The following NEGR1 variants were observed in gnomAD, a reference collection of about 807,000 sequenced individuals.
NEGR1 encodes neuronal growth regulator 1, also known as IgLON family member 4.
NEGR1 carries 10 observed loss-of-function variants against 40.9 expected under a neutral mutation model. The ratio of observed to expected loss-of-function variants is 0.24; its 90% CI spans 0.15 to 0.42. The LOEUF (loss-of-function observed/expected upper bound fraction) is 0.42. Ranked by LOEUF, NEGR1 falls within the 10% of genes least tolerant of loss-of-function variation. The pLI, the probability that NEGR1 is intolerant of heterozygous loss-of-function variation, is 1.00. For synonymous variants in NEGR1, 185 were observed against 166.8 expected (o/e 1.11, Z -0.84); for missense variants, 352 against 438.9 (o/e 0.80, Z 1.77).
Position 72,270,984 on chromosome 1 carries a change from C to T in NEGR1, c.176+11335G>A, listed in dbSNP as rs189020633. Among the ~76,000 whole-genome samples, 8 of 151,902 alleles carry T rather than the reference C, an allele frequency of 5.3e-5. No individual in the cohort carries two copies. The East Asian group carries it at 1.5e-3, about 29-fold the overall frequency. On this transcript the variant is annotated intron_variant, in intron 1 of 6. Coordinates refer to ENST00000357731, the MANE Select transcript of NEGR1 (RefSeq NM_173808.3). ...TTTAGTACTTACTATATGTTATGTA[C>T]TGTTAGCATTTTACATGTAATGTCT... is the stretch of plus-strand genomic sequence containing the variant.
intron 1 of NEGR1, among the ~76,000 whole-genome samples, chr1:72,135,420 A>T (rs1557544358): frequency 1.5e-5 from 1 of 65,046 alleles, no homozygotes; most frequent in Non-Finnish European, 3.1e-5. Context: ...AAAAAACAAA[A>T]CCAAAAAAAA....
chr1:72,244,310 A>G (rs900273733), intron 1 of NEGR1, among the ~76,000 whole-genome samples: 1 of 151,910 alleles, frequency 6.6e-6, no homozygotes, highest in Non-Finnish European at 1.5e-5. Context: ...AAGAAATGTT[A>G]GATCTGTTAG....
At chr1:71,780,838 T>C (rs1278831205) in intron 2 of NEGR1, among the ~76,000 whole-genome samples, 1 of 152,200 alleles carries the variant, frequency 6.6e-6, no homozygotes, top group African/African-American at 2.4e-5. Flanking sequence ...CCAAAAAATG[T>C]AGGCAATTTG....
At chr1:71,928,464 AC>A (rs1645820069) in intron 2 of NEGR1, among the ~76,000 whole-genome samples, 3 of 93,334 alleles carry the variant, frequency 3.2e-5, no homozygotes, top group South Asian at 3.1e-4. Flanking sequence ...ATACACACAT[AC>A]TTATATATAC....
At chr1:72,275,068 G>C (rs1655993488) in intron 1 of NEGR1, 2 of 1,174,816 alleles carry the variant, frequency 1.7e-6, no homozygotes, top group Admixed American at 1.7e-5. Context: ...GCAGAAATTT[G>C]TTAGCACCAG....
At chr1:72,238,929 T>C (rs181688699) in intron 1 of NEGR1, among the ~76,000 whole-genome samples, 50 of 151,938 alleles carry the variant, frequency 3.3e-4, no homozygotes, top group Admixed American at 2.0e-3. Flanking sequence ...ATCATACTTA[T>C]GGAATAAAAG....
At chr1:72,228,304 A>G (rs1040988718) in intron 1 of NEGR1, among the ~76,000 whole-genome samples, 3 of 152,174 alleles carry the variant, frequency 2.0e-5, no homozygotes, top group African/African-American at 7.2e-5. Flanking sequence ...AGAGAACAAA[A>G]GTTGGAGGAA....
At chr1:71,855,220 T>G (rs1659723908) in intron 2 of NEGR1, among the ~76,000 whole-genome samples, 2 of 152,152 alleles carry the variant, frequency 1.3e-5, no homozygotes, top group Non-Finnish European at 2.9e-5. Context: ...CAGGTCGAAC[T>G]GCAACCCGTT....
intron 1 of NEGR1, among the ~76,000 whole-genome samples, chr1:72,092,620 T>G (rs1414224592): frequency 1.3e-5 from 2 of 152,128 alleles, no homozygotes; most frequent in African/African-American, 4.8e-5. Flanking sequence ...TGTTCTTCAT[T>G]GTTGTACTAC....
chr1:71,411,000 A>G (rs1039893770), intron 6 of NEGR1, among the ~76,000 whole-genome samples: 1 of 152,208 alleles, frequency 6.6e-6, no homozygotes, highest in Non-Finnish European at 1.5e-5. Context: ...GTAACTGGTA[A>G]TATACTTATA....
intron 1 of NEGR1, among the ~76,000 whole-genome samples, chr1:72,152,953 T>A (rs1001969658): frequency 4.0e-5 from 6 of 151,844 alleles, no homozygotes; most frequent in African/African-American, 1.2e-4. Context: ...AACATCAATA[T>A]GGAAACAATA....
intron 3 of NEGR1, among the ~76,000 whole-genome samples, chr1:71,754,787 T>TAACTC (rs1332682227): frequency 6.6e-6 from 1 of 152,210 alleles, no homozygotes; most frequent in Non-Finnish European, 1.5e-5. Context: ...TGTTATATTT[T>TAACTC]AACTCATTAG....
Position 71,402,107 on chromosome 1 carries a change from T to C in NEGR1, c.*5339A>G, listed in dbSNP as rs949338325. 6.6e-6 allele frequency: 1 copy of C among 152,184 alleles called. No individual in the cohort carries two copies. Among genetic ancestry groups the C allele is most frequent in the African/African-American group, 2.4e-5 (1 of 41,454 alleles). The allele number at this position is 152,184 out of a possible 1,614,324, so 9.4% of individuals were successfully genotyped here. A position where few individuals can be genotyped will look rare whatever the true frequency, so the allele number is the denominator to read the frequency against. ...TTCTTTTTCCTAGGTAGTCTGGGAC[T>C]GGAAACAAATTGGGAACATTTTTCA... On this transcript the variant is annotated 3_prime_UTR_variant, in exon 7 of 7. Coordinates refer to ENST00000357731, the MANE Select transcript of NEGR1 (RefSeq NM_173808.3).
At chr1:71,596,932 T>C in intron 5 of NEGR1, among the ~76,000 whole-genome samples, 1 of 152,200 alleles carries the variant, frequency 6.6e-6, no homozygotes, top group East Asian at 1.9e-4. Flanking sequence ...ACTGGAATTA[T>C]GAGAGAACAT....
chr1:72,213,270 A>G (rs1653677552), intron 1 of NEGR1, among the ~76,000 whole-genome samples: 1 of 151,992 alleles, frequency 6.6e-6, no homozygotes, highest in Admixed American at 6.6e-5. Context: ...AGTGTTTTAC[A>G]GCCAGATATA....
intron 4 of NEGR1, among the ~76,000 whole-genome samples, chr1:71,621,048 T>C (rs1158360010): frequency 6.6e-6 from 1 of 151,978 alleles, no homozygotes; most frequent in African/African-American, 2.4e-5. Flanking sequence ...TTAGGATTAT[T>C]ACTAGAGAAT....
intron 1 of NEGR1, among the ~76,000 whole-genome samples, chr1:72,007,136 A>C (rs965895677): frequency 6.6e-6 from 1 of 152,090 alleles, no homozygotes; most frequent in South Asian, 2.1e-4. Context: ...TTTCAAAAAA[A>C]GGAGGTGTCA....
intron 1 of NEGR1, among the ~76,000 whole-genome samples, chr1:72,228,086 T>C (rs547786760): frequency 1.3e-5 from 2 of 152,110 alleles, no homozygotes; most frequent in Non-Finnish European, 2.9e-5. Context: ...AGGCTACTAT[T>C]AGGAAAGCCT....
intron 1 of NEGR1, among the ~76,000 whole-genome samples, chr1:72,266,627 C>A (rs1273480012): frequency 6.7e-6 from 1 of 150,202 alleles, no homozygotes; most frequent in Admixed American, 6.7e-5. Flanking sequence ...TAAATAAATT[C>A]ACTAGGTAAA....
Sources: allele counts gnomAD v4.1 joint callset (sites outside exome capture counted in the v4.1 genomes callset), GRCh38; gene constraint gnomAD v4.1.1; transcripts MANE v1.5; gene names NCBI Gene and HGNC (gene_info 2026-07-23, HGNC 2026-07-21).